HOMER2: variants seen among roughly 807,000 people sequenced by gnomAD.
The protein encoded by HOMER2 is homer scaffold protein 2, also known as homer protein homolog 2.
In HOMER2, 27 loss-of-function variants were observed where a neutral mutation model predicts 47.0. The observed-to-expected ratio is 0.57, with a 90% CI of 0.42 to 0.79. The LOEUF (loss-of-function observed/expected upper bound fraction) is 0.79, where lower values mean the gene tolerates loss of function less well. Ranked by LOEUF, HOMER2 falls within the 30% of genes least tolerant of loss-of-function variation. The probability of loss-of-function intolerance (pLI) is 0.00; values close to 1 mark genes in which losing one functional copy is unlikely to be tolerated. For synonymous variants in HOMER2, 161 were observed against 163.8 expected (o/e 0.98, Z 0.13); for missense variants, 443 against 435.0 (o/e 1.02, Z -0.16).
intron 1 of HOMER2, among the ~76,000 whole-genome samples, chr15:82,912,725 A>T (rs1373002110): frequency 2.0e-5 from 3 of 152,134 alleles, no homozygotes; most frequent in African/African-American, 7.2e-5. Context: ...AAGCGTTCCA[A>T]TTTGTGCACA....
At chr15:82,919,951 G>A (rs11259960) in intron 1 of HOMER2, among the ~76,000 whole-genome samples, 34,449 of 152,100 alleles carry the variant, frequency 0.23, 4,302 homozygotes, top group East Asian at 0.58. Context: ...CTTCTCTATC[G>A]AGGAAAGAAA....
intron 1 of HOMER2, among the ~76,000 whole-genome samples, chr15:82,950,583 T>A (rs72755936): frequency 0.035 from 5,350 of 152,280 alleles, 137 homozygotes; most frequent in Non-Finnish European, 0.056. Context: ...CTTAGCTGCA[T>A]CTCAATTTAC....
intron 1 of HOMER2, among the ~76,000 whole-genome samples, chr15:82,969,423 G>A (rs142297034): frequency 9.9e-5 from 15 of 152,274 alleles, no homozygotes; most frequent in East Asian, 3.9e-4. Context: ...GGGCGGATGC[G>A]GGGATCTACG....
At chr15:82,979,370 T>TA (rs1245487771) in intron 1 of HOMER2, among the ~76,000 whole-genome samples, 1 of 152,060 alleles carries the variant, frequency 6.6e-6, no homozygotes, top group Non-Finnish European at 1.5e-5. Flanking sequence ...CACTGAAAGG[T>TA]AAATGGATCC....
chr15:82,916,559 A>T (rs1463032079), intron 1 of HOMER2, among the ~76,000 whole-genome samples: 2 of 152,202 alleles, frequency 1.3e-5, no homozygotes, highest in African/African-American at 2.4e-5. Context: ...GAGAGAGGCC[A>T]GTGTCTCTTG....
At chr15:82,949,696 T>C (rs1193047037) in intron 1 of HOMER2, among the ~76,000 whole-genome samples, 2 of 152,132 alleles carry the variant, frequency 1.3e-5, no homozygotes, top group Non-Finnish European at 2.9e-5. Flanking sequence ...GAGGGAGATC[T>C]CCTTTTTAAG....
downstream of HOMER2, among the ~76,000 whole-genome samples, chr15:82,957,781 C>G (rs889282710): frequency 7.9e-5 from 12 of 152,194 alleles, no homozygotes; most frequent in Admixed American, 1.3e-4. Context: ...ATCCAGGGCT[C>G]TCCTAAGTCT....
intron 1 of HOMER2, among the ~76,000 whole-genome samples, chr15:82,939,442 G>A (rs934570304): frequency 1.6e-4 from 25 of 152,234 alleles, no homozygotes; most frequent in Middle Eastern, 3.4e-3. Flanking sequence ...CAAGGTGGGC[G>A]GATCACTTGT....
At chr15:82,881,576 G>A (rs138200030) in intron 2 of HOMER2, among the ~76,000 whole-genome samples, 1 of 152,276 alleles carries the variant, frequency 6.6e-6, no homozygotes, top group African/African-American at 2.4e-5. Context: ...CTGTGTGCTC[G>A]GAACCTTCCT....
At chr15:82,903,998 G>A (rs986907074) in intron 1 of HOMER2, among the ~76,000 whole-genome samples, 8 of 152,158 alleles carry the variant, frequency 5.3e-5, no homozygotes, top group Admixed American at 1.3e-4. Flanking sequence ...TTAGCCTGGC[G>A]TGGTGGCCCA....
At chr15:82,842,990 G>GA (rs1445535531) in exon 2 of HOMER2, 1 of 151,614 alleles carries the variant, frequency 6.6e-6, no homozygotes, top group East Asian at 2.0e-4. Context: ...CAAATGCCTG[G>GA]ACTCAAGTGA....
chr15:82,892,863 G>C lies in HOMER2; in HGVS notation c.6-22C>G, dbSNP rs145054284. 3.1e-4 allele frequency: 469 copies of C among 1,497,376 alleles called. 2 individuals are homozygous for C. The African/African-American group carries it at 5.5e-3, about 18-fold the overall frequency. The allele number at this position is 1,497,376 out of a possible 1,614,324, so 92.8% of individuals were successfully genotyped here. On this transcript the variant is annotated intron_variant, in intron 1 of 8. Coordinates refer to ENST00000450735, the MANE Select transcript of HOMER2 (RefSeq NM_004839.4). ...TTCTCTGCAATAAGAGAGTGGGCGTGTGAGTTGAGAGAACATGACTTAATG... is the reference window on the plus strand; with the variant it reads ...TTCTCTGCAATAAGAGAGTGGGCGTCTGAGTTGAGAGAACATGACTTAATG...
chr15:82,960,177 T>A (rs1038454718), intron 1 of HOMER2, among the ~76,000 whole-genome samples: 1 of 151,808 alleles, frequency 6.6e-6, no homozygotes, highest in Non-Finnish European at 1.5e-5. Flanking sequence ...ACCGGAGACG[T>A]TGGGTAGAGG....
chr15:82,854,940 G>T, intron 5 of HOMER2, 140 bp from the exon 6 acceptor site: 1 of 951,084 alleles, frequency 1.1e-6, no homozygotes, highest in Non-Finnish European at 1.5e-6. Context: ...CTGGCAGGTG[G>T]GTCTGGCTAC....
Position 82,972,007 on chromosome 15 carries a change from C to G in HOMER2, n.83-12699G>C, listed in dbSNP as rs557492262. On this transcript the variant is annotated intron_variant and non_coding_transcript_variant, in intron 1 of 1. Coordinates refer to the HOMER2 transcript ENST00000500334. The stretch of plus-strand genomic sequence containing the variant: ...AGTGCTTCAAGGTTGTATATTCGAG[C>G]TAGCTTGCTAGCGTCCTCCCTTCCT... 3.3e-5 allele frequency among the ~76,000 whole-genome samples: 5 copies of G among 152,328 alleles called. No homozygotes were observed. The South Asian group carries it at 1.0e-3, about 32-fold the overall frequency.
At chr15:82,975,367 C>A (rs1200943342) in intron 1 of HOMER2, among the ~76,000 whole-genome samples, 4 of 152,134 alleles carry the variant, frequency 2.6e-5, no homozygotes, top group Non-Finnish European at 4.4e-5. Context: ...TAGGTATATA[C>A]CCAAAAGAAA....
intron 1 of HOMER2, among the ~76,000 whole-genome samples, chr15:82,931,296 T>C (rs538651445): frequency 6.6e-6 from 1 of 152,316 alleles, no homozygotes; most frequent in African/African-American, 2.4e-5. Flanking sequence ...GGGGCCACAG[T>C]GTGACCAGCC....
rs763712215 is a variant in HOMER2, at chr15:82,854,821, G to A, written c.495-21C>T. ...CTGCGCTGCAGGACAGGGACGGGCG[G>A]TGACGACGGGGTGGGTGCTGTCCCG... is the stretch of plus-strand genomic sequence containing the variant. On this transcript the variant is annotated intron_variant, in intron 5 of 8. Coordinates refer to ENST00000450735, the MANE Select transcript of HOMER2 (RefSeq NM_004839.4). 5.0e-6 allele frequency: 8 copies of A among 1,599,746 alleles called. No individual in the cohort carries two copies. The East Asian group carries it at 1.8e-4, about 36-fold the overall frequency.
At chr15:82,970,665 GAACA>G (rs1206580227) in intron 1 of HOMER2, among the ~76,000 whole-genome samples, 3 of 152,130 alleles carry the variant, frequency 2.0e-5, no homozygotes, top group Non-Finnish European at 4.4e-5. Context: ...AAGGAAAAGA[GAACA>G]AACAAAACGA....
Sources: gnomAD v4.1 joint callset for allele counts (sites outside exome capture counted in the v4.1 genomes callset) on GRCh38, gnomAD v4.1.1 for gene constraint, MANE v1.5 for transcripts, NCBI Gene and HGNC (gene_info 2026-07-23, HGNC 2026-07-21) for gene names.